The following CABIN1 variants were observed in gnomAD, a reference collection of about 807,000 sequenced individuals.
The protein encoded by CABIN1 is calcineurin-binding protein cabin-1.
Under a neutral mutation model 227.7 loss-of-function variants are expected in CABIN1, and 133 were observed. That is an observed-to-expected ratio of 0.58 (90% CI 0.51 to 0.67). The LOEUF is 0.67. Ranked by LOEUF, CABIN1 falls within the 30% of genes least tolerant of loss-of-function variation. The pLI, the probability that CABIN1 is intolerant of heterozygous loss-of-function variation, is 0.00. For missense variants in CABIN1, 2,408 were observed against 2,852.5 expected (o/e 0.84, Z 3.55); for synonymous variants, 1,086 against 1,155.1 (o/e 0.94, Z 1.21).
chr22:24,011,773 CCG>C (rs2034831605), intron 1 of CABIN1: 1 of 152,248 alleles, frequency 6.6e-6, no homozygotes, highest in Admixed American at 6.5e-5. Flanking sequence ...GAAACTGAGG[CCG>C]CGGGTAGGTG....
At chr22:24,049,280 A>C in intron 7 of CABIN1, 60 bp downstream of exon 7, 1 of 1,591,596 alleles carries the variant, frequency 6.3e-7, no homozygotes, top group Non-Finnish European at 8.6e-7. Flanking sequence ...GGTGAAGGTC[A>C]GGAGCACACC....
chr22:24,013,167 A>G (rs1218540322), intron 1 of CABIN1, among the ~76,000 whole-genome samples: 1 of 147,912 alleles, frequency 6.8e-6, no homozygotes, highest in Non-Finnish European at 1.5e-5. Flanking sequence ...GATGATAAAT[A>G]TATAATCAAA....
Position 24,098,146 on chromosome 22 carries a change from C to T in CABIN1, c.4071C>T (p.His1357=), listed in dbSNP as rs746033317. ...SPPYTATPID[H]DYVKCKKPHQ... ...CTTACACAGCCACTCCGATTGACCA[C>T]GATTACGTCAAATGTAAAAAACCCC... is the stretch of plus-strand genomic sequence containing the variant. Residue 1357 remains histidine (H), a synonymous_variant, in exon 26 of 37, where the codon CAC becomes CAT. Coordinates refer to ENST00000263119, the MANE Select transcript of CABIN1 (RefSeq NM_012295.4). 2 of 1,614,170 alleles carry T rather than the reference C, an allele frequency of 1.2e-6. No homozygotes were observed. The highest frequency in any genetic ancestry group is 8.5e-7 in the Non-Finnish European group (1 of 1,180,032).
At chr22:24,044,620 T>C (rs145823453) in intron 6 of CABIN1, among the ~76,000 whole-genome samples, 378 of 152,298 alleles carry the variant, frequency 2.5e-3, no homozygotes, top group African/African-American at 8.9e-3. Flanking sequence ...GGAACTGGGC[T>C]ATGTCTTTAA....
intron 28 of CABIN1, among the ~76,000 whole-genome samples, chr22:24,124,872 A>C (rs1301181493): frequency 6.6e-6 from 1 of 152,194 alleles, no homozygotes; most frequent in Non-Finnish European, 1.5e-5. Flanking sequence ...GGGGTTGGTT[A>C]TAAGATGTTC....
chr22:24,125,382 A>C (rs951462220), intron 28 of CABIN1, among the ~76,000 whole-genome samples: 4 of 152,210 alleles, frequency 2.6e-5, no homozygotes, highest in African/African-American at 9.6e-5. Context: ...TTGTGAGTAC[A>C]GTATCCCCAC....
At chr22:24,099,412 A>G (rs1404929955) in intron 26 of CABIN1, among the ~76,000 whole-genome samples, 1 of 152,126 alleles carries the variant, frequency 6.6e-6, no homozygotes, top group Non-Finnish European at 1.5e-5. Context: ...AGAGAGGCTG[A>G]GGATCTGAGT....
At chr22:24,049,336 G>A in intron 7 of CABIN1, 116 bp downstream of exon 7, 1 of 1,280,978 alleles carries the variant, frequency 7.8e-7, no homozygotes, top group Non-Finnish European at 1.1e-6. Context: ...GTGCTCTGGG[G>A]CTTCATGCCC....
chr22:24,029,104 A>G (rs1162560093), intron 1 of CABIN1, among the ~76,000 whole-genome samples: 1 of 152,224 alleles, frequency 6.6e-6, no homozygotes. Context: ...TACCTATAAC[A>G]GCACTTTGGG....
At chr22:24,075,248 T>A (rs1037183910) in intron 18 of CABIN1, among the ~76,000 whole-genome samples, 3 of 152,150 alleles carry the variant, frequency 2.0e-5, no homozygotes, top group African/African-American at 7.2e-5. Flanking sequence ...AAGAAAGTTA[T>A]TACTAGTGGC....
At chr22:24,168,673 C>G (rs1012022928) in intron 33 of CABIN1, 152 bp downstream of exon 33, 2 of 738,372 alleles carry the variant, frequency 2.7e-6, no homozygotes, top group Non-Finnish European at 4.8e-6. Context: ...AGCTGAGCCT[C>G]CAGCACGTGG....
At chr22:24,033,072 C>T (rs1001188666) in intron 1 of CABIN1, among the ~76,000 whole-genome samples, 7 of 152,122 alleles carry the variant, frequency 4.6e-5, no homozygotes, top group African/African-American at 9.7e-5. Context: ...GGAGAGACTC[C>T]GTCTCAAAGA....
At chr22:24,098,425 G>GGGGCA in intron 26 of CABIN1, 1 of 806,588 alleles carries the variant, frequency 1.2e-6, no homozygotes, top group Admixed American at 2.3e-5. Flanking sequence ...GCCAGGGGAG[G>GGGGCA]GGGCAGGCCA....
At chr22:24,138,347 G>A (rs1228920416) in intron 29 of CABIN1, among the ~76,000 whole-genome samples, 1 of 152,176 alleles carries the variant, frequency 6.6e-6, no homozygotes, top group Admixed American at 6.5e-5. Context: ...TGGGACTACA[G>A]ACATGCACCA....
At chr22:24,176,507 C>T (rs971127993) in intron 35 of CABIN1, among the ~76,000 whole-genome samples, 25 of 152,112 alleles carry the variant, frequency 1.6e-4, no homozygotes, top group Admixed American at 5.2e-4. Context: ...TAGAGAGGGA[C>T]CCCAGAGGCT....
rs189152349 is a variant in CABIN1, at chr22:24,153,053, G to A, written c.4747-11347G>A. On this transcript the variant is annotated intron_variant, in intron 29 of 36. Transcript: ENST00000263119. ...ATGAGGTCCCCTGGGCAGCTCAGCC[G>A]ACAGCACCTTTGGCAGCAGCCTAGC... is the stretch of plus-strand genomic sequence containing the variant. 8.5e-5 allele frequency among the ~76,000 whole-genome samples: 13 copies of A among 152,320 alleles called. No homozygotes were observed. The East Asian group carries it at 1.2e-3, about 14-fold the overall frequency.
chr22:24,082,327 C>T (rs931836991), intron 19 of CABIN1, among the ~76,000 whole-genome samples: 4 of 152,044 alleles, frequency 2.6e-5, no homozygotes, highest in South Asian at 4.1e-4. Flanking sequence ...TGGGCTCAAG[C>T]GATCCTCCCA....
At chr22:24,062,922 A>G (rs757457191) in intron 13 of CABIN1, 37 bp from the exon 14 acceptor site, 32 of 1,598,476 alleles carry the variant, frequency 2.0e-5, no homozygotes, top group Non-Finnish European at 2.7e-5. Flanking sequence ...TTAGAATGCT[A>G]CACATGAAGT....
intron 16 of CABIN1, among the ~76,000 whole-genome samples, chr22:24,068,955 G>A (rs75701952): frequency 6.6e-6 from 1 of 152,356 alleles, no homozygotes; most frequent in Admixed American, 6.5e-5. Context: ...CCATGTTCTC[G>A]AGGGGGGGCA....
Sources: gnomAD v4.1 joint callset for allele counts (sites outside exome capture counted in the v4.1 genomes callset) on GRCh38, gnomAD v4.1.1 for gene constraint, MANE v1.5 for transcripts, NCBI Gene and HGNC (gene_info 2026-07-23, HGNC 2026-07-21) for gene names.